Variants in GRIK3 observed in about 807,000 individuals in gnomAD.
GRIK3 encodes the protein glutamate ionotropic receptor kainate type subunit 3.
A neutral mutation model predicts 102.5 loss-of-function variants in GRIK3; 29 were observed. That is an observed-to-expected ratio of 0.28 (90% CI 0.21 to 0.39). The LOEUF (loss-of-function observed/expected upper bound fraction) is 0.39, where lower values mean the gene tolerates loss of function less well. Among genes scored for constraint, GRIK3 ranks in the 10% least tolerant of loss-of-function variants. The pLI is 1.00. For missense variants in GRIK3, 908 were observed against 1,252.4 expected (o/e 0.73, Z 4.15); for synonymous variants, 511 against 504.9 (o/e 1.01, Z -0.16).
At chr1:36,815,878 G>T (rs1265201736) in intron 13 of GRIK3, among the ~76,000 whole-genome samples, 2 of 152,052 alleles carry the variant, frequency 1.3e-5, no homozygotes, top group Non-Finnish European at 2.9e-5. Flanking sequence ...TTCTGCCTCA[G>T]CCTCCCCAGT....
At chr1:36,970,410 C>T (rs955268379) in intron 1 of GRIK3, among the ~76,000 whole-genome samples, 1 of 152,178 alleles carries the variant, frequency 6.6e-6, no homozygotes, top group Non-Finnish European at 1.5e-5. Flanking sequence ...ACATTTCTAG[C>T]CTTTCTCTCA....
intron 1 of GRIK3, among the ~76,000 whole-genome samples, chr1:36,968,215 C>T (rs1642099877): frequency 7.1e-6 from 1 of 141,078 alleles, no homozygotes; most frequent in African/African-American, 2.7e-5. Flanking sequence ...TTCACTCTCT[C>T]TCTCCGTGTG....
At chr1:36,868,765 G>A (rs1640813361) in intron 5 of GRIK3, among the ~76,000 whole-genome samples, 1 of 152,186 alleles carries the variant, frequency 6.6e-6, no homozygotes, top group Admixed American at 6.5e-5. Flanking sequence ...AACTCCTATG[G>A]ATCTTTCGAG....
chr1:36,870,820 G>A (rs1244482269), intron 4 of GRIK3, among the ~76,000 whole-genome samples: 1 of 151,574 alleles, frequency 6.6e-6, no homozygotes, highest in African/African-American at 2.4e-5. Context: ...TCCCAGTGTG[G>A]TGATAAATGA....
intron 1 of GRIK3, among the ~76,000 whole-genome samples, chr1:37,015,009 A>G (rs1642639712): frequency 1.4e-5 from 2 of 147,822 alleles, no homozygotes; most frequent in South Asian, 4.3e-4. Flanking sequence ...CTCATTCTTC[A>G]TCTCTCAATA....
In GRIK3 at chr1:36,966,020, G is replaced by A. The variant is rs3767094; in HGVS notation, c.115+67974C>T. Among the ~76,000 whole-genome samples, 1,006 of 152,324 alleles carry A rather than the reference G, an allele frequency of 6.6e-3. 21 individuals carry two copies. Among genetic ancestry groups the A allele is most frequent in the East Asian group, 0.05 (260 of 5,180 alleles). ...GCTATATTAGCCAGGGAAGCATGGT[G>A]CTGAGACGGCACTTCTTAGCCCCAC... On this transcript the variant is annotated intron_variant, in intron 1 of 15. Coordinates refer to ENST00000373091, the MANE Select transcript of GRIK3 (RefSeq NM_000831.4).
intron 1 of GRIK3, among the ~76,000 whole-genome samples, chr1:36,964,708 T>C (rs1251019792): frequency 6.6e-6 from 1 of 152,174 alleles, no homozygotes; most frequent in Non-Finnish European, 1.5e-5. Context: ...AGACCATTCA[T>C]GTCCTTTCCA....
chr1:36,995,949 G>T (rs750714762), intron 1 of GRIK3, among the ~76,000 whole-genome samples: 3 of 152,198 alleles, frequency 2.0e-5, no homozygotes, highest in Non-Finnish European at 4.4e-5. Context: ...TTCTCTTTGT[G>T]CTGGGAGCTG....
Position 36,966,265 on chromosome 1 carries a change from T to C in GRIK3, c.115+67729A>G, listed in dbSNP as rs1251244895. ...GGGGCAGCTTGTGGCAGATTTGTGA[T>C]GTCTCAAGCTGGACATGGGACCAGA... On this transcript the variant is annotated intron_variant, in intron 1 of 15. Transcript: ENST00000373091. Among the ~76,000 whole-genome samples the C allele has an allele frequency of 3.2e-4, 48 of 152,220 alleles. 1 individual carries two copies. Among genetic ancestry groups the C allele is most frequent in the Admixed American group, 3.1e-3 (48 of 15,286 alleles).
intron 1 of GRIK3, among the ~76,000 whole-genome samples, chr1:36,992,019 A>AC (rs1642368326): frequency 1.3e-5 from 2 of 152,062 alleles, no homozygotes; most frequent in African/African-American, 4.8e-5. Flanking sequence ...GTAAAAGAGG[A>AC]CCTGGGGGGT....
At chr1:37,007,555 G>A (rs1350188007) in intron 1 of GRIK3, among the ~76,000 whole-genome samples, 2 of 152,212 alleles carry the variant, frequency 1.3e-5, no homozygotes, top group Admixed American at 6.5e-5. Flanking sequence ...GCATTCGGGA[G>A]CCACCGGGCC....
At chr1:36,969,733 A>C (rs1642121707) in intron 1 of GRIK3, among the ~76,000 whole-genome samples, 1 of 152,244 alleles carries the variant, frequency 6.6e-6, no homozygotes, top group African/African-American at 2.4e-5. Context: ...AAGACACGGA[A>C]CTCACAGAGT....
intron 10 of GRIK3, among the ~76,000 whole-genome samples, chr1:36,835,451 G>A (rs1640365734): frequency 6.6e-6 from 1 of 152,174 alleles, no homozygotes; most frequent in African/African-American, 2.4e-5. Context: ...CCAGGGTGCA[G>A]ACTCACAGAC....
At chr1:36,970,782 AT>A (rs774844522) in intron 1 of GRIK3, among the ~76,000 whole-genome samples, 22 of 152,304 alleles carry the variant, frequency 1.4e-4, no homozygotes, top group Non-Finnish European at 2.8e-4. Context: ...TTATGCTTTG[AT>A]TCCACAGATT....
chr1:36,919,524 G>A (rs1641443720), intron 1 of GRIK3, among the ~76,000 whole-genome samples: 2 of 152,172 alleles, frequency 1.3e-5, no homozygotes, highest in Non-Finnish European at 1.5e-5. Flanking sequence ...AGCAGCTGGA[G>A]CAGCAGGAAC....
chr1:36,961,216 C>T (rs1642005232), intron 1 of GRIK3, among the ~76,000 whole-genome samples: 1 of 152,240 alleles, frequency 6.6e-6, no homozygotes, highest in Non-Finnish European at 1.5e-5. Context: ...CACTCAGCCG[C>T]CTGCCCTCAA....
chr1:36,949,558 T>TTC lies in GRIK3; in HGVS notation c.116-58464_116-58463dup, dbSNP rs1215214621. Among the ~76,000 whole-genome samples, 9 of 151,110 alleles carry TTC rather than the reference T, an allele frequency of 6.0e-5. No homozygotes were observed. The East Asian group carries it at 1.6e-3, about 26-fold the overall frequency. ...TCTTTCTTTTCTTTCTTTTTTTTCT[T>TTC]TCTCTCTCTCTCTTTCTTTTTTTTT... On this transcript the variant is annotated intron_variant, in intron 1 of 15. Transcript: ENST00000373091.
chr1:36,811,684 G>C (rs147652214), intron 13 of GRIK3, among the ~76,000 whole-genome samples: 2 of 152,086 alleles, frequency 1.3e-5, no homozygotes, highest in Non-Finnish European at 1.5e-5. Flanking sequence ...AGGGAATTTC[G>C]GGGCAAGAGG....
At chr1:36,960,856 TC>T (rs904489001) in intron 1 of GRIK3, among the ~76,000 whole-genome samples, 5 of 152,076 alleles carry the variant, frequency 3.3e-5, no homozygotes, top group African/African-American at 1.2e-4. Context: ...CATCTCAAGG[TC>T]CCTTCTAGCC....
Sources: allele counts gnomAD v4.1 joint callset (sites outside exome capture counted in the v4.1 genomes callset), GRCh38; gene constraint gnomAD v4.1.1; transcripts MANE v1.5; gene names NCBI Gene and HGNC (gene_info 2026-07-23, HGNC 2026-07-21).